PHF24: variants seen among roughly 807,000 people sequenced by gnomAD.
The protein encoded by PHF24 is Galpha inhibitory interacting protein.
A neutral mutation model predicts 42.6 loss-of-function variants in PHF24; 25 were observed. That is an observed-to-expected ratio of 0.59 (90% CI 0.43 to 0.82). The LOEUF (loss-of-function observed/expected upper bound fraction) is 0.82. PHF24 is among the 40% of genes least tolerant of loss of function. PHF24 has a pLI of 0.00. For missense variants in PHF24, 470 were observed against 538.1 expected (o/e 0.87, Z 1.25); for synonymous variants, 185 against 204.8 (o/e 0.90, Z 0.83).
At chr9:34,773,515 A>G in the PHF24 span, among the ~76,000 whole-genome samples, 1 of 152,236 alleles carries the variant, frequency 6.6e-6, no homozygotes, top group Non-Finnish European at 1.5e-5. Flanking sequence ...AATTTGAGAA[A>G]CAAAATAAAC....
the PHF24 span, among the ~76,000 whole-genome samples, chr9:34,786,902 G>A: frequency 6.6e-6 from 1 of 152,052 alleles, no homozygotes; most frequent in East Asian, 1.9e-4. Context: ...CTCCTGAAAC[G>A]GTTTACCATC....
At chr9:34,706,196 T>C in the PHF24 span, among the ~76,000 whole-genome samples, 2 of 147,428 alleles carry the variant, frequency 1.4e-5, no homozygotes, top group Non-Finnish European at 2.9e-5. Context: ...TCCACAATAA[T>C]ATAAACTGTA....
the PHF24 span, among the ~76,000 whole-genome samples, chr9:34,669,731 A>G: frequency 6.6e-6 from 1 of 152,084 alleles, no homozygotes; most frequent in Non-Finnish European, 1.5e-5. Flanking sequence ...GGTGTGTAAT[A>G]AAGAATTTGA....
chr9:34,835,846 C>G, the PHF24 span: 2 of 1,326,124 alleles, frequency 1.5e-6, no homozygotes, highest in East Asian at 5.0e-5. Context: ...GAGCTCTATA[C>G]TCTGCTCAAA....
chr9:34,961,746 C>T (rs78698410), intron 1 of PHF24, among the ~76,000 whole-genome samples: 4,919 of 152,270 alleles, frequency 0.032, 176 homozygotes, highest in African/African-American at 0.08. Context: ...TGCCCATATA[C>T]TCTGAGTGTA....
the PHF24 span, among the ~76,000 whole-genome samples, chr9:34,914,787 T>C: frequency 6.6e-6 from 1 of 152,028 alleles, no homozygotes. Flanking sequence ...TCCTTTGTTT[T>C]ATTTTTCTTT....
the PHF24 span, among the ~76,000 whole-genome samples, chr9:34,853,547 G>A: frequency 8.7e-5 from 13 of 149,554 alleles, no homozygotes; most frequent in African/African-American, 2.5e-4. Flanking sequence ...GCACCAGCTC[G>A]GCCGGGCGCG....
At chr9:34,731,498 T>C in the PHF24 span, among the ~76,000 whole-genome samples, 1 of 152,048 alleles carries the variant, frequency 6.6e-6, no homozygotes, top group Non-Finnish European at 1.5e-5. Flanking sequence ...TCTATCTCCA[T>C]GAGTTCAATT....
At chr9:34,857,307 C>T in the PHF24 span, among the ~76,000 whole-genome samples, 10 of 152,296 alleles carry the variant, frequency 6.6e-5, no homozygotes, top group East Asian at 1.7e-3. Context: ...GGGGAGTGCA[C>T]GGACAGAATT....
chr9:34,749,398 C>G, the PHF24 span, among the ~76,000 whole-genome samples: 1 of 151,988 alleles, frequency 6.6e-6, no homozygotes, highest in Non-Finnish European at 1.5e-5. Context: ...AGAAGACTAC[C>G]TCAAGGCATT....
the PHF24 span, among the ~76,000 whole-genome samples, chr9:34,907,274 T>G: frequency 6.6e-6 from 1 of 152,220 alleles, no homozygotes; most frequent in Admixed American, 6.5e-5. Flanking sequence ...TCATTCTCCC[T>G]AATGACTTAC....
chr9:34,917,819 A>C, the PHF24 span: 1 of 1,415,774 alleles, frequency 7.1e-7, no homozygotes, highest in Non-Finnish European at 1.0e-6. Flanking sequence ...TCAGCATGGG[A>C]GATCATCTCT....
chr9:34,726,376 A>C, the PHF24 span: 1 of 1,547,786 alleles, frequency 6.5e-7, no homozygotes, highest in South Asian at 1.2e-5. Flanking sequence ...GCACTTCAGG[A>C]CTGAGAAATG....
At chr9:34,800,987 A>G in the PHF24 span, among the ~76,000 whole-genome samples, 5 of 152,304 alleles carry the variant, frequency 3.3e-5, no homozygotes, top group East Asian at 5.8e-4. Context: ...AAAAACCATC[A>G]AAAAGTGGGC....
At chr9:34,669,821 T>C in the PHF24 span, among the ~76,000 whole-genome samples, 1 of 152,166 alleles carries the variant, frequency 6.6e-6, no homozygotes, top group African/African-American at 2.4e-5. Context: ...TTATTACTCA[T>C]GAGCCCCTTG....
chr9:34,802,983 T>A, the PHF24 span, among the ~76,000 whole-genome samples: 1 of 147,176 alleles, frequency 6.8e-6, no homozygotes, highest in Non-Finnish European at 1.5e-5. Context: ...CCTTGCTCCC[T>A]CACCTACTTG....
chr9:34,971,907 G>T (rs1434957182), intron 2 of PHF24, among the ~76,000 whole-genome samples: 1 of 152,136 alleles, frequency 6.6e-6, no homozygotes, highest in Non-Finnish European at 1.5e-5. Context: ...GTCTTCTGTC[G>T]AACCTCCCCC....
At chr9:34,791,855 T>C in the PHF24 span, among the ~76,000 whole-genome samples, 2,914 of 152,286 alleles carry the variant, frequency 0.019, 98 homozygotes, top group African/African-American at 0.065. Context: ...CTAGGTGGAA[T>C]AGTAGGAATC....
chr9:34,872,734 G>A, the PHF24 span, among the ~76,000 whole-genome samples: 1 of 149,852 alleles, frequency 6.7e-6, no homozygotes, highest in African/African-American at 2.5e-5. Context: ...TAATGGGATG[G>A]CTGGCTCAAA....
Sources: gnomAD v4.1 joint callset for allele counts (sites outside exome capture counted in the v4.1 genomes callset) on GRCh38, gnomAD v4.1.1 for gene constraint, MANE v1.5 for transcripts, NCBI Gene and HGNC (gene_info 2026-07-23, HGNC 2026-07-21) for gene names.